Variants in PCDHA2 observed in about 807,000 individuals in gnomAD.
PCDHA2 encodes protocadherin alpha 2.
A neutral mutation model predicts 66.0 loss-of-function variants in PCDHA2; 58 were observed. The ratio of observed to expected loss-of-function variants is 0.88; its 90% CI spans 0.71 to 1.09. The LOEUF (loss-of-function observed/expected upper bound fraction) is 1.09. PCDHA2 is among the 50% of genes least tolerant of loss of function. The pLI is 0.00. For synonymous variants in PCDHA2, 634 were observed against 554.0 expected (o/e 1.14, Z -2.03); for missense variants, 1,267 against 1,242.3 (o/e 1.02, Z -0.30).
intron 1 of PCDHA2, chr5:140,866,520 T>C (rs1294227332): frequency 6.6e-6 from 1 of 152,150 alleles, no homozygotes; most frequent in Non-Finnish European, 1.5e-5. Context: ...GACTAAGCCA[T>C]GATAGAGCAG....
chr5:140,937,595 C>A (rs940943581), intron 1 of PCDHA2, among the ~76,000 whole-genome samples: 1 of 150,652 alleles, frequency 6.6e-6, no homozygotes, highest in South Asian at 2.1e-4. Flanking sequence ...CTAGCCTGGG[C>A]AACAGAGTGA....
chr5:140,974,456 A>G (rs957426015), intron 1 of PCDHA2, among the ~76,000 whole-genome samples: 2 of 152,230 alleles, frequency 1.3e-5, no homozygotes, highest in Non-Finnish European at 2.9e-5. Context: ...AAATGACTAC[A>G]TTCAGAGGAA....
At chr5:140,826,225 A>T (rs1768853170) in intron 1 of PCDHA2, among the ~76,000 whole-genome samples, 1 of 152,198 alleles carries the variant, frequency 6.6e-6, no homozygotes, top group Non-Finnish European at 1.5e-5. Flanking sequence ...AAGTTTTGTG[A>T]TATAAACTAT....
At chr5:140,986,355 T>G (rs1381730343) in intron 3 of PCDHA2, among the ~76,000 whole-genome samples, 6 of 152,154 alleles carry the variant, frequency 3.9e-5, no homozygotes, top group African/African-American at 1.4e-4. Context: ...CTTCTTCAGA[T>G]GGAGGAATGC....
intron 1 of PCDHA2, chr5:140,821,781 A>G (rs2150110654): frequency 1.2e-6 from 2 of 1,609,938 alleles, no homozygotes; most frequent in East Asian, 2.2e-5. Context: ...TTGAGATGGT[A>G]TATTCCCGGA....
chr5:140,878,145 A>G (rs1331184448), intron 1 of PCDHA2: 4 of 183,786 alleles, frequency 2.2e-5, no homozygotes, highest in African/African-American at 9.5e-5. Flanking sequence ...CAGATGTTTG[A>G]TAACTTAAAA....
intron 1 of PCDHA2, chr5:140,882,426 G>A (rs148335988): frequency 6.1e-5 from 99 of 1,613,954 alleles, no homozygotes; most frequent in Non-Finnish European, 7.9e-5. Context: ...CAGGACCTGG[G>A]GCTGGAGCTG....
At chr5:140,959,544 T>C (rs2095494180) in intron 1 of PCDHA2, among the ~76,000 whole-genome samples, 1 of 152,208 alleles carries the variant, frequency 6.6e-6, no homozygotes, top group Non-Finnish European at 1.5e-5. Context: ...AGAGATGCTG[T>C]ATAAATAGAA....
At chr5:140,876,963 G>T in intron 1 of PCDHA2, 4 of 1,613,068 alleles carry the variant, frequency 2.5e-6, no homozygotes, top group Non-Finnish European at 2.5e-6. Context: ...TGGTGGAGCG[G>T]CGGGTGGGCG....
intron 1 of PCDHA2, 73 bp from the exon 2 acceptor site, chr5:140,978,876 A>G: frequency 6.2e-7 from 1 of 1,609,510 alleles, no homozygotes; most frequent in Non-Finnish European, 8.5e-7. Flanking sequence ...GGGAGTAACT[A>G]ATCAATTAGC....
chr5:140,823,471 G>T (rs1554129365), intron 1 of PCDHA2: 2 of 1,613,352 alleles, frequency 1.2e-6, no homozygotes, highest in African/African-American at 2.7e-5. Context: ...GGCGCTGCTG[G>T]TGCCTCGAGT....
chr5:140,850,299 G>A, intron 1 of PCDHA2: 1 of 1,596,610 alleles, frequency 6.3e-7, no homozygotes, highest in Non-Finnish European at 8.6e-7. Flanking sequence ...CGCCGACTCG[G>A]GCTACAACGC....
intron 1 of PCDHA2, chr5:140,867,037 T>C (rs1167495486): frequency 2.0e-5 from 3 of 152,162 alleles, no homozygotes; most frequent in African/African-American, 7.2e-5. Flanking sequence ...CTTTTATGAC[T>C]TGGCGTTTGT....
At chr5:140,857,620 C>G (rs782083775) in intron 1 of PCDHA2, 4 of 1,596,448 alleles carry the variant, frequency 2.5e-6, no homozygotes, top group Non-Finnish European at 3.4e-6. Context: ...CGCTGGACCA[C>G]GAGGAGCTGG....
chr5:140,948,492 A>C (rs915795889), intron 1 of PCDHA2, among the ~76,000 whole-genome samples: 1 of 151,594 alleles, frequency 6.6e-6, no homozygotes, highest in Non-Finnish European at 1.5e-5. Flanking sequence ...AATTTCTTTC[A>C]TAGACTTTCT....
intron 1 of PCDHA2, chr5:140,884,511 G>A (rs1202323930): frequency 6.2e-7 from 1 of 1,614,192 alleles, no homozygotes; most frequent in Non-Finnish European, 8.5e-7. Flanking sequence ...GCAGGGAGTT[G>A]GTCGTACTCG....
rs2150246964 is a variant in PCDHA2, at chr5:140,835,869, G to A, written c.2388+38517G>A. On this transcript the variant is annotated intron_variant, in intron 1 of 3. Transcript: ENST00000526136. ...CGCGCTGGTGTCCTACTCGCTGGTG[G>A]AGCTGCGGGTGGGCGAGCGCGCGCT... The A allele has an allele frequency of 6.8e-6, 11 of 1,611,976 alleles. No individual in the cohort carries two copies. The African/African-American group carries it at 1.3e-4, about 20-fold the overall frequency.
At chr5:140,869,922 C>T in intron 1 of PCDHA2, 1 of 1,611,202 alleles carries the variant, frequency 6.2e-7, no homozygotes, top group Non-Finnish European at 8.5e-7. Flanking sequence ...ACGAAGGAGT[C>T]AATGGAGAGG....
chr5:140,926,569 A>T (rs1245214494), intron 1 of PCDHA2: 1 of 261,750 alleles, frequency 3.8e-6, no homozygotes, highest in Admixed American at 5.3e-5. Context: ...CTGCTACTGG[A>T]GACAGCACCT....
Sources: allele counts gnomAD v4.1 joint callset (sites outside exome capture counted in the v4.1 genomes callset), GRCh38; gene constraint gnomAD v4.1.1; transcripts MANE v1.5; gene names NCBI Gene and HGNC (gene_info 2026-07-23, HGNC 2026-07-21).